Variants in CSMD1 observed in about 807,000 individuals in gnomAD.
CSMD1 encodes the protein CUB and sushi domain-containing protein 1.
CSMD1 carries 213 observed loss-of-function variants against 417.5 expected under a neutral mutation model. That is an observed-to-expected ratio of 0.51 (90% CI 0.46 to 0.57). The LOEUF is 0.57. Ranked by LOEUF, CSMD1 falls within the 20% of genes least tolerant of loss-of-function variation. The pLI, the probability that CSMD1 is intolerant of heterozygous loss-of-function variation, is 0.00. For synonymous variants in CSMD1, 2,862 were observed against 1,736.8 expected, an observed-to-expected ratio of 1.65 and a Z score of -16.11; for missense variants, 6,923 against 4,529.7, an observed-to-expected ratio of 1.53 and a Z score of -15.17.
chr8:4,796,323 C>A (rs925260707), intron 1 of CSMD1, among the ~76,000 whole-genome samples: 29 of 152,120 alleles, frequency 1.9e-4, no homozygotes, highest in African/African-American at 7.0e-4. Flanking sequence ...TGACAAGCGA[C>A]CAACGTGATG....
intron 2 of CSMD1, among the ~76,000 whole-genome samples, chr8:4,551,664 A>G (rs1797874192): frequency 6.6e-6 from 1 of 151,814 alleles, no homozygotes; most frequent in African/African-American, 2.4e-5. Flanking sequence ...ACTTCTCAGG[A>G]TCAATTTATT....
chr8:3,374,392 G>C (rs756295067), intron 18 of CSMD1, among the ~76,000 whole-genome samples: 2 of 152,130 alleles, frequency 1.3e-5, no homozygotes, highest in African/African-American at 4.8e-5. Flanking sequence ...TCTGGGCATA[G>C]AACAATGAAT....
chr8:4,369,811 C>T (rs563421219), intron 3 of CSMD1, among the ~76,000 whole-genome samples: 4 of 152,062 alleles, frequency 2.6e-5, no homozygotes, highest in African/African-American at 4.8e-5. Context: ...CCCTTTACTT[C>T]GAGACTATGG....
At chr8:3,400,546 AT>A (rs1811975115) in intron 15 of CSMD1, among the ~76,000 whole-genome samples, 2 of 152,084 alleles carry the variant, frequency 1.3e-5, no homozygotes. Context: ...TACAGAAAAA[AT>A]AAAAGCAAAA....
At chr8:4,882,038 A>T (rs1585257840) in intron 1 of CSMD1, among the ~76,000 whole-genome samples, 1 of 152,206 alleles carries the variant, frequency 6.6e-6, no homozygotes, top group Non-Finnish European at 1.5e-5. Context: ...CTGGGCAAGT[A>T]ATCTCACTGA....
At chr8:4,765,593 C>T (rs148874305) in intron 1 of CSMD1, among the ~76,000 whole-genome samples, 15 of 152,234 alleles carry the variant, frequency 9.9e-5, no homozygotes, top group Admixed American at 2.6e-4. Flanking sequence ...TGCTATCAAC[C>T]TCCTGAGCAG....
intron 3 of CSMD1, among the ~76,000 whole-genome samples, chr8:4,263,498 C>A (rs1277672626): frequency 6.6e-6 from 1 of 152,214 alleles, no homozygotes; most frequent in Non-Finnish European, 1.5e-5. Context: ...GAAGCTCTGT[C>A]TGTGGCAGTT....
chr8:4,084,038 C>A (rs1800289083), intron 3 of CSMD1, among the ~76,000 whole-genome samples: 1 of 151,912 alleles, frequency 6.6e-6, no homozygotes, highest in Non-Finnish European at 1.5e-5. Flanking sequence ...GCAAAAAAAC[C>A]CTTTTAAAAT....
intron 23 of CSMD1, among the ~76,000 whole-genome samples, chr8:3,327,680 A>T (rs997125186): frequency 1.3e-5 from 2 of 152,240 alleles, no homozygotes; most frequent in African/African-American, 4.8e-5. Context: ...GAACCGAAGA[A>T]ATGAGCACAT....
intron 26 of CSMD1, among the ~76,000 whole-genome samples, chr8:3,252,189 G>A (rs940439368): frequency 3.9e-5 from 6 of 152,154 alleles, no homozygotes; most frequent in Non-Finnish European, 8.8e-5. Context: ...TATGATATTG[G>A]CTGTGGGTTT....
intron 2 of CSMD1, among the ~76,000 whole-genome samples, chr8:4,460,673 A>C (rs571706538): frequency 1.7e-4 from 23 of 131,578 alleles, no homozygotes; most frequent in African/African-American, 9.2e-4. Flanking sequence ...ACTGTAAGAG[A>C]ATTTTATAAA....
At chr8:3,418,794 A>T (rs1813312922) in intron 12 of CSMD1, among the ~76,000 whole-genome samples, 1 of 152,220 alleles carries the variant, frequency 6.6e-6, no homozygotes, top group Admixed American at 6.5e-5. Context: ...AGACCATAGT[A>T]GGAAATGAGA....
At chr8:4,836,969 G>T (rs112388604) in intron 1 of CSMD1, among the ~76,000 whole-genome samples, 5 of 152,240 alleles carry the variant, frequency 3.3e-5, no homozygotes, top group African/African-American at 9.6e-5. Context: ...CTGTAGAACA[G>T]ATGGCCTTTT....
At chr8:4,787,704 G>C (rs1270902914) in intron 1 of CSMD1, 10 of 1,592,558 alleles carry the variant, frequency 6.3e-6, no homozygotes, top group Non-Finnish European at 7.7e-6. Flanking sequence ...TGTTTTTCAA[G>C]GATGCTGCCA....
chr8:3,091,930 C>T (rs966775758), intron 47 of CSMD1, among the ~76,000 whole-genome samples: 9 of 151,656 alleles, frequency 5.9e-5, no homozygotes, highest in African/African-American at 1.2e-4. Flanking sequence ...CAGCAGTACC[C>T]GAAAAAAATG....
intron 1 of CSMD1, among the ~76,000 whole-genome samples, chr8:4,878,799 C>T (rs949348482): frequency 2.6e-5 from 4 of 151,780 alleles, no homozygotes. Context: ...TATCCCTCCT[C>T]TATGAAGCTG....
intron 1 of CSMD1, among the ~76,000 whole-genome samples, chr8:4,783,622 C>T (rs1391356071): frequency 6.6e-6 from 1 of 152,346 alleles, no homozygotes; most frequent in African/African-American, 2.4e-5. Flanking sequence ...TGCCTCTTTT[C>T]ACTTGGCCTC....
chr8:3,632,733 C>G (rs974817107), intron 7 of CSMD1, among the ~76,000 whole-genome samples: 1 of 152,186 alleles, frequency 6.6e-6, no homozygotes, highest in African/African-American at 2.4e-5. Context: ...GATGACCACA[C>G]CAATGTCCTT....
chr8:3,926,112 C>CACACACACACACACACAAACACCAT (rs1563218438), intron 5 of CSMD1, among the ~76,000 whole-genome samples: 5 of 90,750 alleles, frequency 5.5e-5, no homozygotes, highest in South Asian at 2.8e-4. Flanking sequence ...CACACACACA[C>CACACACACACACACACAAACACCAT]ACACACACAC....
Sources: gnomAD v4.1 joint callset for allele counts (sites outside exome capture counted in the v4.1 genomes callset) on GRCh38, gnomAD v4.1.1 for gene constraint, MANE v1.5 for transcripts, NCBI Gene and HGNC (gene_info 2026-07-23, HGNC 2026-07-21) for gene names.